Variants in DPP6 observed in about 807,000 individuals in gnomAD.
The protein encoded by DPP6 is dipeptidyl peptidase like 6.
Under a neutral mutation model 122.6 loss-of-function variants are expected in DPP6, and 69 were observed. The ratio of observed to expected loss-of-function variants is 0.56; its 90% CI spans 0.46 to 0.69. The LOEUF (loss-of-function observed/expected upper bound fraction) is 0.69. Ranked by LOEUF, DPP6 falls within the 30% of genes least tolerant of loss-of-function variation. The pLI is 0.00. For missense variants in DPP6, 928 were observed against 1,116.9 expected, an observed-to-expected ratio of 0.83 and a Z score of 2.41; for synonymous variants, 418 against 433.1, an observed-to-expected ratio of 0.97 and a Z score of 0.43.
At chr7:153,814,271 G>T in the DPP6 span, among the ~76,000 whole-genome samples, 1 of 152,092 alleles carries the variant, frequency 6.6e-6, no homozygotes, top group Non-Finnish European at 1.5e-5. Flanking sequence ...TGATAAAGGG[G>T]ATATCACCAC....
intron 5 of DPP6, among the ~76,000 whole-genome samples, chr7:154,620,512 C>T (rs564623005): frequency 5.9e-5 from 9 of 152,296 alleles, no homozygotes; most frequent in Admixed American, 2.0e-4. Flanking sequence ...TTTCACTACA[C>T]GCAGAATTGC....
chr7:154,823,170 G>A (rs552062211), intron 16 of DPP6, among the ~76,000 whole-genome samples: 15 of 151,910 alleles, frequency 9.9e-5, no homozygotes, highest in East Asian at 3.9e-4. Flanking sequence ...TTTTGCCCTC[G>A]TTTATAAAAG....
At chr7:154,431,400 C>T (rs142816081) in intron 1 of DPP6, among the ~76,000 whole-genome samples, 1 of 151,952 alleles carries the variant, frequency 6.6e-6, no homozygotes, top group Non-Finnish European at 1.5e-5. Context: ...GCTCAGATAG[C>T]CGCTGTCGTC....
At chr7:154,393,554 A>ATTTTTTTTT (rs552425581) in intron 1 of DPP6, among the ~76,000 whole-genome samples, 1 of 141,498 alleles carries the variant, frequency 7.1e-6, no homozygotes. Context: ...AGATTGTTCA[A>ATTTTTTTTT]TTTTTTTTTT....
upstream of DPP6, among the ~76,000 whole-genome samples, chr7:154,047,806 C>A (rs1343368970): frequency 6.6e-5 from 10 of 151,662 alleles, no homozygotes; most frequent in East Asian, 1.5e-3. Context: ...GAAGGCAAGA[C>A]AACAGAAGTG....
intron 1 of DPP6, among the ~76,000 whole-genome samples, chr7:154,239,427 T>G (rs1801427960): frequency 6.6e-6 from 1 of 152,096 alleles, no homozygotes; most frequent in African/African-American, 2.4e-5. Context: ...CTCATCCTAC[T>G]CAACATGAAG....
At chr7:153,928,817 A>G (rs558004194) in intron 1 of DPP6, among the ~76,000 whole-genome samples, 41 of 152,242 alleles carry the variant, frequency 2.7e-4, no homozygotes, top group Non-Finnish European at 4.1e-4. Context: ...TTTAACTTAT[A>G]TATTTCAAAA....
At position 154,893,059 on chromosome 7, in the gene DPP6, G is replaced by T. The variant is rs1806759928; in HGVS notation, c.*579G>T. The T allele has an allele frequency of 6.8e-6, 3 of 441,440 alleles. No individual in the cohort carries two copies. The Admixed American group carries it at 7.3e-5, about 11-fold the overall frequency. 27.3% of individuals were successfully genotyped at this position (441,440 alleles called of 1,614,324 possible). A position where few individuals can be genotyped will look rare whatever the true frequency, so the allele number is the denominator to read the frequency against. ...AGAGTCTTACTGTAGCTACGCTAAT[G>T]GTTAACCTGATAGAATTAACTCGTA... On this transcript the variant is annotated 3_prime_UTR_variant, in exon 26 of 26. Coordinates refer to ENST00000377770, the MANE Select transcript of DPP6 (RefSeq NM_130797.4).
At chr7:153,908,945 G>A (rs1195907649) in intron 1 of DPP6, among the ~76,000 whole-genome samples, 1 of 152,042 alleles carries the variant, frequency 6.6e-6, no homozygotes, top group South Asian at 2.1e-4. Flanking sequence ...GTAGAGATGG[G>A]GTTTCACTAT....
At chr7:154,820,139 A>C (rs2150494712) in intron 16 of DPP6, among the ~76,000 whole-genome samples, 1 of 152,326 alleles carries the variant, frequency 6.6e-6, no homozygotes, top group South Asian at 2.1e-4. Context: ...TGCTGAAGCC[A>C]TGTGTCCACA....
chr7:154,889,292 A>C lies in DPP6; in HGVS notation c.2325A>C (p.Arg775=), dbSNP rs1381891493. 7 of 1,612,958 alleles carry C rather than the reference A, an allele frequency of 4.3e-6. No individual in the cohort carries two copies. Among genetic ancestry groups the C allele is most frequent in the Non-Finnish European group, 5.9e-6 (7 of 1,179,690 alleles). ...TGCAGATGACCAAGGTAGCCCATCG[A>C]GTCTCCGCGCTGGAAGAACAGCAGT... The part of the protein sequence containing the change: ...RAYEMTKVAH[R]VSALEEQQFL... Residue 775 remains arginine (R), a synonymous_variant, in exon 24 of 26, where the codon CGA becomes CGC. Coordinates refer to ENST00000377770, the MANE Select transcript of DPP6 (RefSeq NM_130797.4).
intron 1 of DPP6, among the ~76,000 whole-genome samples, chr7:154,316,334 C>G (rs1037418678): frequency 6.6e-6 from 1 of 152,150 alleles, no homozygotes; most frequent in South Asian, 2.1e-4. Flanking sequence ...TGATTCATCT[C>G]CATAAGATAA....
Position 154,311,305 on chromosome 7 carries a change from C to A in DPP6, c.244-134909C>A, listed in dbSNP as rs145389343. Reference sequence around the variant, plus strand: ...TTTAGGAGTTCAACACCAGCCTGGGCAACATGGCGAAGCCCCATGTCTAGA... The same window carrying A: ...TTTAGGAGTTCAACACCAGCCTGGGAAACATGGCGAAGCCCCATGTCTAGA... On this transcript the variant is annotated intron_variant, in intron 1 of 25. Transcript: ENST00000377770. 6.2e-3 allele frequency among the ~76,000 whole-genome samples: 945 copies of A among 152,046 alleles called. 13 individuals are homozygous for A. Among genetic ancestry groups the A allele is most frequent in the African/African-American group, 0.021 (886 of 41,484 alleles).
chr7:154,408,833 C>T (rs1278684170), intron 1 of DPP6, among the ~76,000 whole-genome samples: 3 of 151,206 alleles, frequency 2.0e-5, no homozygotes, highest in Admixed American at 6.6e-5. Flanking sequence ...GAATTGTATT[C>T]CCCCCAACTC....
chr7:154,886,917 C>T (rs1806196674), intron 22 of DPP6, among the ~76,000 whole-genome samples: 1 of 152,252 alleles, frequency 6.6e-6, no homozygotes, highest in Non-Finnish European at 1.5e-5. Context: ...CTCTCCTGGT[C>T]CAAAATGTGA....
chr7:154,841,312 G>A (rs1465707188), intron 16 of DPP6, among the ~76,000 whole-genome samples: 1 of 68,360 alleles, frequency 1.5e-5, no homozygotes, highest in African/African-American at 3.7e-5. Context: ...AGCAGGCTTT[G>A]CCCCTCTGCA....
chr7:153,846,781 C>G, the DPP6 span, among the ~76,000 whole-genome samples: 2 of 150,386 alleles, frequency 1.3e-5, no homozygotes, highest in Non-Finnish European at 2.9e-5. Flanking sequence ...CAAGCTCCGC[C>G]TCCTGGGTTC....
chr7:154,618,563 C>T lies in DPP6; in HGVS notation c.628-19258C>T, dbSNP rs1427839847. ...ATTTTTAATATAGCCCTGCATTTTC[C>T]TCATATGAAAGCAGAAACCCACAGA... On this transcript the variant is annotated intron_variant, in intron 5 of 25. Transcript: ENST00000377770. The surrounding 1 kb of genome is among the most constrained non-coding windows in gnomAD (Gnocchi z 4.1). Among the ~76,000 whole-genome samples the T allele has an allele frequency of 6.6e-6, 1 of 152,080 alleles. No homozygotes were observed. Among genetic ancestry groups the T allele is most frequent in the Non-Finnish European group, 1.5e-5 (1 of 68,014 alleles).
intron 1 of DPP6, chr7:154,096,185 G>T (rs1805307151): frequency 1.3e-5 from 1 of 77,366 alleles, no homozygotes; most frequent in Non-Finnish European, 2.5e-5. Context: ...GCAGCTGGGT[G>T]TCGTGGAAAG....
Sources: gnomAD v4.1 joint callset for allele counts (sites outside exome capture counted in the v4.1 genomes callset) on GRCh38, gnomAD v4.1.1 for gene constraint, Gnocchi (gnomAD v3.1) non-coding constraint, MANE v1.5 for transcripts, NCBI Gene and HGNC (gene_info 2026-07-23, HGNC 2026-07-21) for gene names.